The following DHX32 variants were observed in gnomAD, a reference collection of about 807,000 sequenced individuals.
DHX32 encodes putative pre-mRNA-splicing factor ATP-dependent RNA helicase DHX32.
DHX32 carries 51 observed loss-of-function variants against 70.0 expected under a neutral mutation model. The ratio of observed to expected loss-of-function variants is 0.73; its 90% CI spans 0.58 to 0.92. The LOEUF is 0.92. Among genes scored for constraint, DHX32 ranks in the 40% least tolerant of loss-of-function variants. The pLI, the probability that DHX32 is intolerant of heterozygous loss-of-function variation, is 0.00. For synonymous variants in DHX32, 310 were observed against 315.3 expected (o/e 0.98, Z 0.18); for missense variants, 762 against 891.8 (o/e 0.85, Z 1.85).
intron 1 of DHX32, among the ~76,000 whole-genome samples, chr10:125,874,552 T>C (rs1006177546): frequency 6.6e-6 from 1 of 152,224 alleles, no homozygotes; most frequent in Non-Finnish European, 1.5e-5. Flanking sequence ...TTTTTTAAAC[T>C]GCAGTGTGGA....
rs771750217 is a variant in DHX32, at chr10:125,836,829, T to C, written c.2090A>G (p.Tyr697Cys). ...TTCACTAGGAGGCAGATTACTGAAA[T>C]AGTATTGTGGTACCAGCTGCATAAA... ...ELFMQLVPQY[Y>C]FSNLPPSESK... is the part of the protein sequence containing the mutation. The change falls in exon 11 of 11, where the codon TAT (tyrosine) becomes TGT (cysteine). Residue 697 changes from tyrosine to cysteine, a missense_variant. By Grantham distance (194) the Tyr-to-Cys change is radical. Transcript: ENST00000284690. The C allele has an allele frequency of 3.1e-6, 5 of 1,614,046 alleles. No individual in the cohort carries two copies. The highest frequency in any genetic ancestry group is 1.3e-5 in the African/African-American group (1 of 74,914).
chr10:125,856,011 A>G (rs776841099), intron 3 of DHX32, among the ~76,000 whole-genome samples: 3 of 152,240 alleles, frequency 2.0e-5, no homozygotes, highest in Non-Finnish European at 2.9e-5. Context: ...CAAAACAGAA[A>G]TAGATAAATA....
intron 1 of DHX32, chr10:125,869,367 G>C (rs1944242678): frequency 6.6e-6 from 1 of 152,154 alleles, no homozygotes; most frequent in Non-Finnish European, 1.5e-5. Context: ...CCTGAGGTCA[G>C]GAGTTCAAAA....
rs553323270 is a variant in DHX32, at chr10:125,854,299, G to T, written c.850-96C>A. On this transcript the variant is annotated intron_variant, in intron 3 of 10. Coordinates refer to ENST00000284690, the MANE Select transcript of DHX32 (RefSeq NM_018180.3). Reference sequence around the variant, plus strand: ...TACAAAAAATTTTAGGCAATACTACGTAACAGATACAGGGAAAGAAATCCC... The same window carrying T: ...TACAAAAAATTTTAGGCAATACTACTTAACAGATACAGGGAAAGAAATCCC... 13 of 1,260,304 alleles carry T rather than the reference G, an allele frequency of 1.0e-5. No homozygotes were observed. In the Middle Eastern group the frequency reaches 8.5e-4, roughly 82 times the overall value. 78.1% of individuals were successfully genotyped at this position (1,260,304 alleles called of 1,614,324 possible). A position where few individuals can be genotyped will look rare whatever the true frequency, so the allele number is the denominator to read the frequency against.
At chr10:125,856,067 A>G (rs1455910527) in intron 3 of DHX32, among the ~76,000 whole-genome samples, 1 of 152,246 alleles carries the variant, frequency 6.6e-6, no homozygotes, top group Non-Finnish European at 1.5e-5. Context: ...TAAGGCCATA[A>G]TCTGCAGAAT....
At chr10:125,844,009 A>C (rs999531634) in intron 6 of DHX32, among the ~76,000 whole-genome samples, 2 of 152,200 alleles carry the variant, frequency 1.3e-5, no homozygotes, top group Admixed American at 6.5e-5. Context: ...GGCTTCTCAG[A>C]GATATTCCTG....
rs945000718 is a variant in DHX32, at chr10:125,866,518, G to T, written c.476+472C>A. 6.6e-6 allele frequency among the ~76,000 whole-genome samples: 1 copy of T among 152,198 alleles called. No homozygotes were observed. The highest frequency in any genetic ancestry group is 1.5e-5 in the Non-Finnish European group (1 of 68,030). ...CTAATGTGTATTACTGGAGGGGCAGGGAAGCCTTCCTGGAGTAGGTGGCTG... is the reference window on the plus strand; with the variant it reads ...CTAATGTGTATTACTGGAGGGGCAGTGAAGCCTTCCTGGAGTAGGTGGCTG... On this transcript the variant is annotated intron_variant, in intron 2 of 10. Coordinates refer to ENST00000284690, the MANE Select transcript of DHX32 (RefSeq NM_018180.3). This position sits in a 1 kb window ranked among gnomAD's most constrained non-coding sequence, Gnocchi z 4.8.
chr10:125,885,043 C>G (rs1944334792), upstream of DHX32, among the ~76,000 whole-genome samples: 1 of 151,952 alleles, frequency 6.6e-6, no homozygotes, highest in African/African-American at 2.4e-5. Context: ...GTCATGTATT[C>G]AACTACCTAT....
chr10:125,840,795 A>G, intron 8 of DHX32, 52 bp downstream of exon 8: 3 of 1,520,674 alleles, frequency 2.0e-6, no homozygotes, highest in Non-Finnish European at 2.7e-6. Flanking sequence ...ACTCAGACTT[A>G]TCTAGGGAAA....
At chr10:125,892,922 TA>T (rs1944380151) in intron 1 of DHX32, among the ~76,000 whole-genome samples, 1 of 152,144 alleles carries the variant, frequency 6.6e-6, no homozygotes, top group South Asian at 2.1e-4. Context: ...GACCCCTAAC[TA>T]AAGGTTTGAC....
chr10:125,857,402 G>T (rs1256526972), intron 3 of DHX32, among the ~76,000 whole-genome samples: 1 of 152,210 alleles, frequency 6.6e-6, no homozygotes, highest in East Asian at 1.9e-4. Context: ...GGGCAGGTCG[G>T]CTGTTGAGCC....
chr10:125,836,374 C>T lies in DHX32; in HGVS notation c.*313G>A. 6.4e-7 allele frequency: 1 copy of T among 1,567,788 alleles called. No homozygotes were observed. The highest frequency in any genetic ancestry group is 2.3e-5 in the East Asian group (1 of 43,844). On this transcript the variant is annotated 3_prime_UTR_variant, in exon 11 of 11. Transcript: ENST00000284690. ...CTCAGACTTTATTCAGATTAAGTTC[C>T]TCTACAAAAAGTAGGGTTCTGTCCC...
chr10:125,857,940 C>T (rs1944159238), intron 3 of DHX32, among the ~76,000 whole-genome samples: 1 of 149,458 alleles, frequency 6.7e-6, no homozygotes, highest in Non-Finnish European at 1.5e-5. Context: ...TGCTCTGTCA[C>T]CCAGGCTGGA....
chr10:125,865,850 A>T (rs1371054647), intron 2 of DHX32, among the ~76,000 whole-genome samples: 1 of 152,136 alleles, frequency 6.6e-6, no homozygotes. Flanking sequence ...CTGAATGGAG[A>T]TAAGAACCGC....
In DHX32 at chr10:125,836,716, C is replaced by T. The variant is rs1194164076; in HGVS notation, c.2203G>A (p.Glu735Lys). ...TGGAGAGTGCATCTCTGTTCAGTTT[C>T]AGGGCACGTCTCACACATTTGCTGT... Reference protein sequence around the residue: ...KEQQMCETCPETEQRCTLQ With the variant: ...KEQQMCETCPKTEQRCTLQ Residue 735 changes from glutamate (E) to lysine (K), a missense_variant, in exon 11 of 11, where the codon GAA becomes AAA. By Grantham distance (56) the Glu-to-Lys change is moderately conservative. Coordinates refer to ENST00000284690, the MANE Select transcript of DHX32 (RefSeq NM_018180.3). The T allele has an allele frequency of 1.2e-6, 2 of 1,614,054 alleles. No homozygotes were observed. Among genetic ancestry groups the T allele is most frequent in the Non-Finnish European group, 1.7e-6 (2 of 1,180,034 alleles).
chr10:125,858,362 A>C (rs1944161773), intron 3 of DHX32, among the ~76,000 whole-genome samples: 1 of 152,210 alleles, frequency 6.6e-6, no homozygotes, highest in African/African-American at 2.4e-5. Flanking sequence ...ACTTTCTTGA[A>C]TATCTTGAAT....
intron 7 of DHX32, chr10:125,841,315 C>T: frequency 6.2e-7 from 1 of 1,614,052 alleles, no homozygotes; most frequent in Non-Finnish European, 8.5e-7. Flanking sequence ...GGAACCAGTT[C>T]CGATACAGCA....
chr10:125,842,222 A>G (rs1175922583), intron 6 of DHX32: 1 of 357,150 alleles, frequency 2.8e-6, no homozygotes, highest in South Asian at 3.7e-5. Flanking sequence ...TGCAGTAGGA[A>G]AACAATGCCA....
At chr10:125,844,233 A>G (rs1233035489) in intron 6 of DHX32, among the ~76,000 whole-genome samples, 1 of 152,252 alleles carries the variant, frequency 6.6e-6, no homozygotes, top group African/African-American at 2.4e-5. Flanking sequence ...AGAAATAAGC[A>G]TCTTAAACAG....
Sources: gnomAD v4.1 joint callset for allele counts (sites outside exome capture counted in the v4.1 genomes callset) on GRCh38, gnomAD v4.1.1 for gene constraint, Gnocchi (gnomAD v3.1) non-coding constraint, MANE v1.5 for transcripts, NCBI Gene and HGNC (gene_info 2026-07-23, HGNC 2026-07-21) for gene names.